The following FRY variants were observed in gnomAD, a reference collection of about 807,000 sequenced individuals.
The protein encoded by FRY is FRY microtubule binding protein, also known as protein furry homolog.
FRY carries 128 observed loss-of-function variants against 348.4 expected under a neutral mutation model. The observed-to-expected ratio is 0.37, with a 90% confidence interval of 0.32 to 0.43. The LOEUF is 0.43. FRY is among the 20% of genes least tolerant of loss of function. The pLI is 1.00. For synonymous variants in FRY, 1,370 were observed against 1,374.7 expected (o/e 1.00, Z 0.08); for missense variants, 2,736 against 3,695.2 (o/e 0.74, Z 6.73).
rs1657285688 is a variant in FRY, at chr13:32,174,848, A to G, written c.2335-698A>G. On this transcript the variant is annotated intron_variant, in intron 19 of 60. Transcript: ENST00000542859. The stretch of plus-strand genomic sequence containing the variant: ...TCTCCATAAGGGATGGTGAATGAAT[A>G]TATAATATATAAATAAATGAATATT... Among the ~76,000 whole-genome samples, 4 of 152,152 alleles carry G rather than the reference A, an allele frequency of 2.6e-5. No homozygotes were observed. The South Asian group carries it at 8.3e-4, about 32-fold the overall frequency.
chr13:32,250,507 C>A (rs1411622474), intron 49 of FRY, among the ~76,000 whole-genome samples: 1 of 152,182 alleles, frequency 6.6e-6, no homozygotes, highest in Non-Finnish European at 1.5e-5. Flanking sequence ...GCCCAGATGA[C>A]CTCTGGCAGC....
chr13:32,180,384 G>A (rs1331885229), intron 23 of FRY, among the ~76,000 whole-genome samples: 6 of 151,958 alleles, frequency 3.9e-5, no homozygotes, highest in South Asian at 2.1e-4. Flanking sequence ...ACAGACCCGC[G>A]CCACCACATC....
At chr13:32,273,294 T>C (rs375684357) in intron 55 of FRY, among the ~76,000 whole-genome samples, 3 of 149,282 alleles carry the variant, frequency 2.0e-5, no homozygotes, top group East Asian at 4.0e-4. Context: ...CAATCTCGGC[T>C]CACTGCAGGC....
At chr13:32,080,995 T>C (rs1262169135) in intron 2 of FRY, among the ~76,000 whole-genome samples, 2 of 152,232 alleles carry the variant, frequency 1.3e-5, no homozygotes, top group Non-Finnish European at 2.9e-5. Flanking sequence ...TAAGAATTTG[T>C]GAAGTAAAAT....
intron 1 of FRY, among the ~76,000 whole-genome samples, chr13:32,050,306 G>A (rs1277716237): frequency 6.6e-6 from 1 of 152,014 alleles, no homozygotes; most frequent in East Asian, 1.9e-4. Context: ...ACAATCTCTC[G>A]GAAAAATATA....
At position 32,295,487 on chromosome 13, in the gene FRY, C is replaced by A; in HGVS notation, c.*27C>A. The stretch of plus-strand genomic sequence containing the variant: ...AGGAGCCTCCTGTCCCCACTGGGTT[C>A]CAAACTGGCAGTGCTGCCATGCTGG... On this transcript the variant is annotated 3_prime_UTR_variant, in exon 61 of 61. Coordinates refer to ENST00000542859, the MANE Select transcript of FRY (RefSeq NM_023037.3). 2 of 1,606,262 alleles carry A rather than the reference C, an allele frequency of 1.2e-6. No individual in the cohort carries two copies. The highest frequency in any genetic ancestry group is 1.1e-5 in the South Asian group (1 of 91,044).
At position 32,184,588 on chromosome 13, in the gene FRY, C is replaced by T. The variant is rs777261562; in HGVS notation, c.3055-12C>T. On this transcript the variant is annotated splice_polypyrimidine_tract_variant and intron_variant, in intron 24 of 60. Coordinates refer to ENST00000542859, the MANE Select transcript of FRY (RefSeq NM_023037.3). ...CCTGTGTCTGTAAGTGATACTACCT[C>T]TTTCTACACAGAACAAGAAACGCCG... 5.1e-5 allele frequency: 80 copies of T among 1,575,664 alleles called. No individual in the cohort carries two copies. The highest frequency in any genetic ancestry group is 6.4e-5 in the Non-Finnish European group (73 of 1,145,208).
Position 32,179,657 on chromosome 13 carries a change from G to A in FRY, c.2872-18G>A, listed in dbSNP as rs1422076149. On this transcript the variant is annotated intron_variant, in intron 22 of 60. Transcript: ENST00000542859. ...TTACCATGTTACCTCTTTTTCACTT[G>A]TATTCAACTTATTTCAGGCCATAGG... 6.2e-7 allele frequency: 1 copy of A among 1,613,594 alleles called. No homozygotes were observed. The highest frequency in any genetic ancestry group is 1.7e-5 in the Admixed American group (1 of 59,986).
intron 28 of FRY, among the ~76,000 whole-genome samples, chr13:32,190,643 A>G (rs1883286346): frequency 6.6e-6 from 1 of 152,186 alleles, no homozygotes; most frequent in African/African-American, 2.4e-5. Context: ...AAGGCCTCAT[A>G]CATAGAAATA....
At position 32,294,353 on chromosome 13, in the gene FRY, T is replaced by A; in HGVS notation, c.8581-15T>A. On this transcript the variant is annotated splice_polypyrimidine_tract_variant and intron_variant, in intron 59 of 60. Transcript: ENST00000542859. The stretch of plus-strand genomic sequence containing the variant: ...GCACCTAAATATAGTTTAAAAAACA[T>A]TTTTTTTTAAATAGCTGCTGAATAT... 6.5e-7 allele frequency: 1 copy of A among 1,534,440 alleles called. No individual in the cohort carries two copies. Among genetic ancestry groups the A allele is most frequent in the South Asian group, 1.1e-5 (1 of 88,746 alleles).
chr13:32,181,520 G>T (rs1318479897), intron 23 of FRY, among the ~76,000 whole-genome samples: 2 of 148,622 alleles, frequency 1.3e-5, no homozygotes, highest in African/African-American at 5.0e-5. Context: ...CTTGAACCCG[G>T]GAGGCAGAGG....
intron 17 of FRY, among the ~76,000 whole-genome samples, chr13:32,164,651 C>G (rs1416237986): frequency 2.6e-5 from 4 of 152,198 alleles, no homozygotes. Context: ...TTCCATGTGG[C>G]TCCATGGAAG....
At chr13:32,259,207 C>A (rs1946094581) in intron 51 of FRY, among the ~76,000 whole-genome samples, 1 of 152,188 alleles carries the variant, frequency 6.6e-6, no homozygotes, top group South Asian at 2.1e-4. Flanking sequence ...GAGGGTGGGT[C>A]TCCCACTAGG....
intron 54 of FRY, 31 bp from the exon 55 acceptor site, chr13:32,267,139 T>C: frequency 6.3e-7 from 1 of 1,598,098 alleles, no homozygotes; most frequent in Non-Finnish European, 8.6e-7. Flanking sequence ...AGGACATCAC[T>C]TCTTGACATA....
chr13:32,078,935 C>T lies in FRY; in HGVS notation c.172C>T (p.Pro58Ser). The change falls in exon 2 of 61, where the codon CCA becomes TCA. Residue 58 changes from proline to serine, a missense_variant. Pro to Ser is a moderately conservative substitution (Grantham distance 74). Coordinates refer to ENST00000542859, the MANE Select transcript of FRY (RefSeq NM_023037.3). ...AACCATGCTACCCATCAATGTGGAC[C>T]CAGACAGTAAACCAGGAGAATATGT... ...PPTMLPINVD[P>S]DSKPGEYVLK... 1 of 1,613,654 alleles carries T rather than the reference C, an allele frequency of 6.2e-7. No homozygotes were observed. The highest frequency in any genetic ancestry group is 8.5e-7 in the Non-Finnish European group (1 of 1,179,558).
intron 35 of FRY, among the ~76,000 whole-genome samples, chr13:32,217,795 A>G (rs949945461): frequency 6.6e-6 from 1 of 152,206 alleles, no homozygotes; most frequent in Non-Finnish European, 1.5e-5. Flanking sequence ...AAATAAGATG[A>G]TGTCTATGAA....
In FRY at chr13:32,295,420, CT is replaced by C; in HGVS notation, c.9006del (p.Leu3003PhefsTer53). The C allele has an allele frequency of 6.2e-7, 1 of 1,612,348 alleles. No homozygotes were observed. ...RRAQSYRVLTTFLPDSSVSGT... is the reference protein window; with the variant it reads ...RRAQSYRVLTXFLPDSSVSGT... ...GCCCAGAGTTACCGAGTCCTCACTA[CT>C]TTTCTTCCAGACTCCAGTGTTTCTG... On this transcript the variant is annotated frameshift_variant, in exon 61 of 61. Transcript: ENST00000542859. LOFTEE classifies it high-confidence loss of function.
intron 14 of FRY, among the ~76,000 whole-genome samples, chr13:32,151,512 T>C (rs1177032183): frequency 2.6e-5 from 4 of 152,262 alleles, no homozygotes; most frequent in Non-Finnish European, 5.9e-5. Context: ...GGGCATTGTT[T>C]CTCGGGAAAC....
At chr13:32,156,345 C>T (rs772696717) in intron 15 of FRY, among the ~76,000 whole-genome samples, 4 of 152,148 alleles carry the variant, frequency 2.6e-5, no homozygotes, top group African/African-American at 7.2e-5. Context: ...CAGTGGCTCA[C>T]GCCTGTAATC....
Sources: gnomAD v4.1 joint callset for allele counts (sites outside exome capture counted in the v4.1 genomes callset) on GRCh38, gnomAD v4.1.1 for gene constraint, MANE v1.5 for transcripts, NCBI Gene and HGNC (gene_info 2026-07-23, HGNC 2026-07-21) for gene names.